The following HIP1 variants were observed in gnomAD, a reference collection of about 807,000 sequenced individuals.
HIP1 encodes the protein huntingtin-interacting protein 1.
In HIP1, 65 loss-of-function variants were observed where a neutral mutation model predicts 147.6. The ratio of observed to expected loss-of-function variants is 0.44; its 90% CI spans 0.36 to 0.54. The LOEUF (loss-of-function observed/expected upper bound fraction) is 0.54, where lower values mean the gene tolerates loss of function less well. Among genes scored for constraint, HIP1 ranks in the 20% least tolerant of loss-of-function variants. HIP1 has a pLI of 0.00. For missense variants in HIP1, 1,061 were observed against 1,299.6 expected (o/e 0.82, Z 2.82); for synonymous variants, 479 against 504.0 (o/e 0.95, Z 0.67).
At chr7:75,633,392 A>G (rs919981093) in intron 1 of HIP1, among the ~76,000 whole-genome samples, 3 of 152,034 alleles carry the variant, frequency 2.0e-5, no homozygotes, top group Non-Finnish European at 4.4e-5. Flanking sequence ...TCCCGGGTTC[A>G]AGCAATTCTC....
intron 1 of HIP1, among the ~76,000 whole-genome samples, chr7:75,690,785 C>G (rs1006609529): frequency 6.6e-6 from 1 of 151,896 alleles, no homozygotes; most frequent in Non-Finnish European, 1.5e-5. Flanking sequence ...TTGCTTGAAC[C>G]CGGGAGGCAG....
intron 19 of HIP1, 34 bp from the exon 20 acceptor site, chr7:75,554,560 A>C (rs782066554): frequency 6.6e-7 from 1 of 1,513,902 alleles, no homozygotes; most frequent in Non-Finnish European, 9.2e-7. Flanking sequence ...GGTCAGAGCA[A>C]GTTCTCATAG....
chr7:75,594,228 C>T (rs1436405257), intron 2 of HIP1, among the ~76,000 whole-genome samples: 5 of 151,904 alleles, frequency 3.3e-5, no homozygotes, highest in Admixed American at 6.6e-5. Flanking sequence ...TGCAGTGAGC[C>T]GAGATCATGC....
chr7:75,554,419 A>T (rs372449853), intron 20 of HIP1, 21 bp downstream of exon 20: 1 of 1,595,082 alleles, frequency 6.3e-7, no homozygotes, highest in Non-Finnish European at 8.6e-7. Flanking sequence ...GCCGACAGAG[A>T]CTGTCCTTGG....
intron 1 of HIP1, among the ~76,000 whole-genome samples, chr7:75,623,068 C>T (rs1448601659): frequency 3.3e-5 from 5 of 150,848 alleles, no homozygotes; most frequent in African/African-American, 1.2e-4. Context: ...CGTGGTGGTG[C>T]GTGCCTGTAA....
At position 75,648,926 on chromosome 7, in the gene HIP1, T is replaced by G. The variant is rs187749766; in HGVS notation, c.121-49679A>C. 2.1e-3 allele frequency among the ~76,000 whole-genome samples: 314 copies of G among 152,244 alleles called. 1 individual carries two copies. The highest frequency in any genetic ancestry group is 7.0e-3 in the African/African-American group (290 of 41,552). ...TTTGAGGCCAGTCTGGGCAACATAG[T>G]GAGACCTGGTCTCACTGGGACTACA... On this transcript the variant is annotated intron_variant, in intron 1 of 30. Transcript: ENST00000336926.
intron 1 of HIP1, among the ~76,000 whole-genome samples, chr7:75,658,714 C>T (rs1029584708): frequency 1.3e-5 from 2 of 151,846 alleles, no homozygotes; most frequent in Non-Finnish European, 2.9e-5. Context: ...CTAGGAGTTC[C>T]AGACCAGCCT....
intron 1 of HIP1, among the ~76,000 whole-genome samples, chr7:75,614,216 AT>A (rs1459403509): frequency 6.6e-6 from 1 of 152,140 alleles, no homozygotes; most frequent in Admixed American, 6.6e-5. Flanking sequence ...CACCCAGCTA[AT>A]TTTTGTAGAG....
intron 1 of HIP1, among the ~76,000 whole-genome samples, chr7:75,681,188 C>T (rs2255968): frequency 0.58 from 88,153 of 151,462 alleles, 26,162 homozygotes; most frequent in African/African-American, 0.69. Flanking sequence ...GCTGGGATTA[C>T]GGGCATGAGC....
At chr7:75,665,539 C>T (rs118150334) in intron 1 of HIP1, among the ~76,000 whole-genome samples, 2,737 of 147,390 alleles carry the variant, frequency 0.019, 39 homozygotes, top group Non-Finnish European at 0.029. Context: ...CTCATTTTTC[C>T]GTAGTCATTT....
intron 1 of HIP1, chr7:75,639,288 GGGCGCGGAGCCGC>G (rs1798559974): frequency 7.2e-6 from 1 of 139,054 alleles, no homozygotes; most frequent in Non-Finnish European, 1.6e-5. Flanking sequence ...GGAGGGGGGC[GGGCGCGGAGCCGC>G]AGCGCGCGCC....
intron 1 of HIP1, among the ~76,000 whole-genome samples, chr7:75,682,565 C>T (rs193057887): frequency 1.6e-3 from 232 of 145,080 alleles, no homozygotes; most frequent in Middle Eastern, 3.5e-3. Context: ...TGGCCAACAT[C>T]CTCATTTTAC....
At position 75,591,158 on chromosome 7, in the gene HIP1, G is replaced by A. The variant is rs11978714; in HGVS notation, c.384+898C>T. Among the ~76,000 whole-genome samples the A allele has an allele frequency of 4.2e-3, 630 of 151,710 alleles. 8 individuals carry two copies. Among genetic ancestry groups the A allele is most frequent in the African/African-American group, 0.014 (599 of 41,350 alleles). On this transcript the variant is annotated intron_variant, in intron 4 of 30. Coordinates refer to ENST00000336926, the MANE Select transcript of HIP1 (RefSeq NM_005338.7). ...AGCGATTCTCCTGCCTCAGCCTCCC[G>A]AGTAGCTGGGATTACAGGCACACGC...
At chr7:75,570,780 G>C (rs1795599743) in intron 8 of HIP1, among the ~76,000 whole-genome samples, 1 of 151,996 alleles carries the variant, frequency 6.6e-6, no homozygotes, top group Non-Finnish European at 1.5e-5. Flanking sequence ...GCCGAGGCAG[G>C]AGGATCACTT....
rs1300656580 is a variant in HIP1, at chr7:75,638,001, CACAT to C, written c.121-38758_121-38755del. On this transcript the variant is annotated intron_variant, in intron 1 of 30. Coordinates refer to ENST00000336926, the MANE Select transcript of HIP1 (RefSeq NM_005338.7). ...GACCCCCCCCCCCCCCCCACACACA[CACAT>C]ACACACACACACACACACACACACA... Among the ~76,000 whole-genome samples, 376 of 75,276 alleles carry C rather than the reference CACAT, an allele frequency of 5.0e-3. 7 individuals carry two copies. The highest frequency in any genetic ancestry group is 0.042 in the Middle Eastern group (5 of 118). The allele number at this position is 75,276 out of a possible 152,430, so 49.4% of individuals were successfully genotyped here.
intron 1 of HIP1, among the ~76,000 whole-genome samples, chr7:75,658,527 C>A (rs10259351): frequency 6.6e-6 from 1 of 151,952 alleles, no homozygotes; most frequent in African/African-American, 2.4e-5. Flanking sequence ...CTGAATTTTG[C>A]GGGCAGGAAA....
chr7:75,592,413 A>G lies in HIP1; in HGVS notation c.286T>C (p.Cys96Arg). The stretch of plus-strand genomic sequence containing the variant: ...CGGAGGAGTTTGTGGAACACATGGC[A>G]GAACTTCCAGCAGAGCACTGCGTTG... Reference protein sequence around the residue: ...SSNAVLCWKFCHVFHKLLRDG... With the variant: ...SSNAVLCWKFRHVFHKLLRDG... The change falls in exon 3 of 31, where the codon TGC becomes CGC. Residue 96 changes from cysteine (C) to arginine (R), a missense_variant. Cys to Arg is a radical substitution (Grantham distance 180). Around this residue, in one of 3 missense-constraint regions of HIP1, gnomAD observed 225 missense variants for 292.9 expected, o/e 0.77. Coordinates refer to ENST00000336926, the MANE Select transcript of HIP1 (RefSeq NM_005338.7). 6.2e-7 allele frequency: 1 copy of G among 1,612,604 alleles called. No individual in the cohort carries two copies. Among genetic ancestry groups the G allele is most frequent in the East Asian group, 2.2e-5 (1 of 44,884 alleles).
At chr7:75,598,941 C>T (rs1335932751) in intron 2 of HIP1, among the ~76,000 whole-genome samples, 2 of 152,142 alleles carry the variant, frequency 1.3e-5, no homozygotes, top group African/African-American at 4.8e-5. Context: ...AGGAAAGGAG[C>T]AGGATCTTTG....
chr7:75,573,673 G>T, intron 8 of HIP1, 88 bp downstream of exon 8: 1 of 1,360,936 alleles, frequency 7.3e-7, no homozygotes, highest in Admixed American at 1.9e-5. Flanking sequence ...GCACTGAGAA[G>T]GACTGCGTTT....
Sources: gnomAD v4.1 joint callset for allele counts (sites outside exome capture counted in the v4.1 genomes callset) on GRCh38, gnomAD v4.1.1 for gene constraint, gnomAD v4.1.1 regional missense constraint, MANE v1.5 for transcripts, NCBI Gene and HGNC (gene_info 2026-07-23, HGNC 2026-07-21) for gene names.